GPC6: variants seen among roughly 807,000 people sequenced by gnomAD.
GPC6 encodes glypican 6.
Under a neutral mutation model 55.2 loss-of-function variants are expected in GPC6, and 14 were observed. The ratio of observed to expected loss-of-function variants is 0.25; its 90% CI spans 0.17 to 0.40. GPC6 has a LOEUF of 0.40. Among genes scored for constraint, GPC6 ranks in the 10% least tolerant of loss-of-function variants. GPC6 has a pLI of 1.00. For missense variants in GPC6, 641 were observed against 708.5 expected (o/e 0.90, Z 1.08); for synonymous variants, 278 against 259.6 (o/e 1.07, Z -0.68).
At chr13:93,538,886 A>G (rs941883845) in intron 1 of GPC6, among the ~76,000 whole-genome samples, 1 of 151,740 alleles carries the variant, frequency 6.6e-6, no homozygotes, top group Non-Finnish European at 1.5e-5. Context: ...TTAAATACTC[A>G]TGGGTATGTA....
chr13:94,110,243 A>G (rs1170712315), intron 4 of GPC6, among the ~76,000 whole-genome samples: 1 of 151,884 alleles, frequency 6.6e-6, no homozygotes, highest in Non-Finnish European at 1.5e-5. Flanking sequence ...ATGTGAAATC[A>G]TTGTCAAGGA....
At chr13:93,496,466 C>T (rs1331703951) in intron 1 of GPC6, among the ~76,000 whole-genome samples, 1 of 152,210 alleles carries the variant, frequency 6.6e-6, no homozygotes, top group African/African-American at 2.4e-5. Flanking sequence ...CAGAAATCAC[C>T]CGTCTTCTGC....
intron 6 of GPC6, among the ~76,000 whole-genome samples, chr13:94,373,754 CATA>C (rs1400504674): frequency 6.6e-6 from 1 of 152,078 alleles, no homozygotes; most frequent in African/African-American, 2.4e-5. Flanking sequence ...CTTCAAGACA[CATA>C]ATTGTCAGAT....
At chr13:93,849,081 G>C (rs866285725) in intron 3 of GPC6, among the ~76,000 whole-genome samples, 2 of 152,082 alleles carry the variant, frequency 1.3e-5, no homozygotes, top group African/African-American at 4.8e-5. Flanking sequence ...TTGTAAACTA[G>C]TACTCAGGGA....
chr13:93,419,720 C>A (rs1479495263), intron 1 of GPC6, among the ~76,000 whole-genome samples: 1 of 152,148 alleles, frequency 6.6e-6, no homozygotes, highest in African/African-American at 2.4e-5. Context: ...GTGTGCCATT[C>A]CTTCATGACA....
intron 1 of GPC6, among the ~76,000 whole-genome samples, chr13:93,234,930 T>C (rs568158179): frequency 3.8e-4 from 58 of 152,252 alleles, no homozygotes; most frequent in African/African-American, 1.3e-3. Flanking sequence ...TTGCTAACTC[T>C]CAAAAGTGTA....
chr13:93,862,750 G>GTTA (rs1327022882), intron 3 of GPC6, among the ~76,000 whole-genome samples: 3 of 151,674 alleles, frequency 2.0e-5, no homozygotes, highest in Non-Finnish European at 4.4e-5. Flanking sequence ...CCCGTTGACA[G>GTTA]TTATTATTCC....
intron 2 of GPC6, among the ~76,000 whole-genome samples, chr13:93,702,066 C>T (rs1451464447): frequency 6.6e-6 from 1 of 152,014 alleles, no homozygotes; most frequent in Non-Finnish European, 1.5e-5. Context: ...ATTTACTTTG[C>T]CCAGATCCAT....
upstream of GPC6, among the ~76,000 whole-genome samples, chr13:93,225,306 C>T (rs567318992): frequency 4.6e-5 from 7 of 152,264 alleles, no homozygotes; most frequent in South Asian, 1.2e-3. Context: ...TCAACCTCAC[C>T]GTTTGTCCAC....
At chr13:93,618,700 T>G (rs1878825763) in intron 2 of GPC6, among the ~76,000 whole-genome samples, 1 of 152,160 alleles carries the variant, frequency 6.6e-6, no homozygotes, top group Non-Finnish European at 1.5e-5. Flanking sequence ...TAATTAACTC[T>G]ACTAGGATTT....
chr13:94,115,630 A>G (rs1886409382), intron 4 of GPC6, among the ~76,000 whole-genome samples: 1 of 152,124 alleles, frequency 6.6e-6, no homozygotes, highest in Admixed American at 6.6e-5. Flanking sequence ...GTTTACGTGT[A>G]CACTGGTAGC....
chr13:93,976,143 T>A (rs1880505384), intron 3 of GPC6, among the ~76,000 whole-genome samples: 2 of 152,150 alleles, frequency 1.3e-5, no homozygotes, highest in South Asian at 4.1e-4. Flanking sequence ...TTCACATGCA[T>A]CCAACTCAGA....
At position 93,529,510 on chromosome 13, in the gene GPC6, C is replaced by CTTTT. The variant is rs1165594323; in HGVS notation, c.161-15733_161-15730dup. ...TCCTTCCATAGTGGACTCTGAGATT[C>CTTTT]TTTTTTTTTTTTTTTTTTTTTTTGA... is the stretch of plus-strand genomic sequence containing the variant. On this transcript the variant is annotated intron_variant, in intron 1 of 8. Coordinates refer to ENST00000377047, the MANE Select transcript of GPC6 (RefSeq NM_005708.5). Among the ~76,000 whole-genome samples the CTTTT allele has an allele frequency of 2.0e-3, 173 of 85,170 alleles. 4 individuals are homozygous for CTTTT. Among genetic ancestry groups the CTTTT allele is most frequent in the African/African-American group, 3.4e-3 (68 of 20,166 alleles). The allele number at this position is 85,170 out of a possible 152,430, so 55.9% of individuals were successfully genotyped here.
At chr13:93,261,746 AAACAGATAAGCTTCTT>A (rs1877154637) in intron 1 of GPC6, among the ~76,000 whole-genome samples, 1 of 152,140 alleles carries the variant, frequency 6.6e-6, no homozygotes, top group Admixed American at 6.5e-5. Flanking sequence ...AGGGTTGGAC[AAACAGATAAGCTTCTT>A]AACTGGTGGA....
At chr13:93,814,162 C>G (rs1402890150) in intron 2 of GPC6, among the ~76,000 whole-genome samples, 1 of 152,062 alleles carries the variant, frequency 6.6e-6, no homozygotes. Context: ...TTGAGGATTA[C>G]TCATTGCTAT....
At chr13:94,243,502 G>A (rs921166697) in intron 4 of GPC6, among the ~76,000 whole-genome samples, 8 of 152,072 alleles carry the variant, frequency 5.3e-5, no homozygotes, top group African/African-American at 1.9e-4. Context: ...TTGTCTGAAA[G>A]GGTCTTCATT....
intron 1 of GPC6, among the ~76,000 whole-genome samples, chr13:93,444,195 C>CT (rs10659977): frequency 0.29 from 32,622 of 111,130 alleles, 4,773 homozygotes; most frequent in Non-Finnish European, 0.32. Context: ...TGCAATTCTT[C>CT]TTTTTTTTTT....
At chr13:93,672,857 C>T (rs1322609878) in intron 2 of GPC6, among the ~76,000 whole-genome samples, 4 of 151,996 alleles carry the variant, frequency 2.6e-5, no homozygotes, top group Admixed American at 1.3e-4. Context: ...TCTGCTGAAA[C>T]ATTGACCCCC....
intron 1 of GPC6, among the ~76,000 whole-genome samples, chr13:93,505,626 G>T (rs141963255): frequency 6.6e-6 from 1 of 152,238 alleles, no homozygotes; most frequent in African/African-American, 2.4e-5. Context: ...CACTACAGCT[G>T]GGGGCCATTT....
Sources: allele counts gnomAD v4.1 joint callset (sites outside exome capture counted in the v4.1 genomes callset), GRCh38; gene constraint gnomAD v4.1.1; transcripts MANE v1.5; gene names NCBI Gene and HGNC (gene_info 2026-07-23, HGNC 2026-07-21).